Variants in SH3TC1 observed in about 807,000 individuals in gnomAD.
SH3TC1 encodes the protein SH3 domain and tetratricopeptide repeats 1.
SH3TC1 carries 135 observed loss-of-function variants against 117.3 expected under a neutral mutation model. That is an observed-to-expected ratio of 1.15 (90% CI 1.00 to 1.33). The LOEUF is 1.33. Among genes scored for constraint, SH3TC1 ranks in the 40% most tolerant of loss-of-function variants. The probability of loss-of-function intolerance (pLI) is 0.00; values close to 1 mark genes in which losing one functional copy is unlikely to be tolerated. For synonymous variants in SH3TC1, 898 were observed against 816.9 expected (o/e 1.10, Z -1.69); for missense variants, 2,092 against 1,794.3 (o/e 1.17, Z -3.00).
At position 8,205,500 on chromosome 4, in the gene SH3TC1, T is replaced by C; in HGVS notation, c.172+134T>C. The C allele has an allele frequency of 8.6e-7, 1 of 1,162,924 alleles. No homozygotes were observed. The highest frequency in any genetic ancestry group is 1.3e-6 in the Non-Finnish European group (1 of 790,462). The allele number at this position is 1,162,924 out of a possible 1,614,324, so 72.0% of individuals were successfully genotyped here. A position where few individuals can be genotyped will look rare whatever the true frequency, so the allele number is the denominator to read the frequency against. On this transcript the variant is annotated intron_variant, in intron 2 of 17. Transcript: ENST00000245105. The surrounding 1 kb of genome is among the most constrained non-coding windows in gnomAD (Gnocchi z 5.4). ...GGCTGGGGCTGGAGTCTGCTCTCCA[T>C]CACTTCTCGTTTCCTTCCCCCGCGT...
chr4:8,237,212 C>G, intron 16 of SH3TC1: 1 of 404,874 alleles, frequency 2.5e-6, no homozygotes, highest in South Asian at 9.1e-5. Flanking sequence ...TGGTTAAAAA[C>G]AGTGAGCAAA....
intron 5 of SH3TC1, chr4:8,215,327 C>T: frequency 2.3e-6 from 1 of 443,750 alleles, no homozygotes; most frequent in Non-Finnish European, 4.6e-6. Flanking sequence ...TGCGACACCA[C>T]CCTTGATTTG....
chr4:8,222,933 G>T lies in SH3TC1; in HGVS notation c.1206G>T (p.Arg402=), dbSNP rs1487827098. ...SEEDARQLLR[R]MSGTDVCSVY... ...AGGATGCCAGGCAGTTGCTGAGGCG[G>T]ATGTCGGGCACCGATGTCTGCAGCG... The change falls in exon 10 of 18, where the codon CGG becomes CGT. Residue 402 remains arginine, a synonymous_variant. Transcript: ENST00000245105. 1 of 1,612,840 alleles carries T rather than the reference G, an allele frequency of 6.2e-7. No individual in the cohort carries two copies. The highest frequency in any genetic ancestry group is 1.3e-5 in the African/African-American group (1 of 74,906).
chr4:8,234,438 AT>A (rs895048562), intron 14 of SH3TC1, among the ~76,000 whole-genome samples: 27 of 150,438 alleles, frequency 1.8e-4, no homozygotes, highest in African/African-American at 6.6e-4. Flanking sequence ...CCATCCATAC[AT>A]TATCCACCCA....
chr4:8,211,427 C>T (rs3115218), intron 3 of SH3TC1, among the ~76,000 whole-genome samples: 16 of 10,528 alleles, frequency 1.5e-3, no homozygotes, highest in East Asian at 7.3e-3. Context: ...GGTTTCTCCC[C>T]TCTCCCTCCC....
Position 8,228,505 on chromosome 4 carries a change from C to T in SH3TC1, c.2811C>T (p.Pro937=), listed in dbSNP as rs1482591532. ...LEAVRLFSRL[P]LGECGRDFTH... ...CCGTGCGGCTGTTCTCGAGGCTGCCCCTTGGGGAGTGTGGCCGGGACTTCA... is the reference window on the plus strand; with the variant it reads ...CCGTGCGGCTGTTCTCGAGGCTGCCTCTTGGGGAGTGTGGCCGGGACTTCA... The change falls in exon 12 of 18, where the codon CCC becomes CCT. Residue 937 remains proline, a synonymous_variant. Coordinates refer to ENST00000245105, the MANE Select transcript of SH3TC1 (RefSeq NM_018986.5). 1.9e-5 allele frequency: 31 copies of T among 1,611,528 alleles called. No homozygotes were observed. Among genetic ancestry groups the T allele is most frequent in the Non-Finnish European group, 2.5e-5 (30 of 1,179,608 alleles).
intron 5 of SH3TC1, 36 bp from the exon 6 acceptor site, chr4:8,216,075 C>T (rs377112693): frequency 1.6e-4 from 263 of 1,608,574 alleles, no homozygotes; most frequent in Non-Finnish European, 2.1e-4. Context: ...TGCCCCTCTT[C>T]TGGAGCCCTC....
At position 8,233,413 on chromosome 4, in the gene SH3TC1, T is replaced by A. The variant is rs752915513; in HGVS notation, c.3182T>A (p.Ile1061Asn). 5.6e-6 allele frequency: 9 copies of A among 1,613,784 alleles called. No homozygotes were observed. In the South Asian group the frequency reaches 7.7e-5, roughly 14 times the overall value. The change falls in exon 14 of 18, where the codon ATT (isoleucine) becomes AAT (asparagine). Residue 1061 changes from isoleucine (I) to asparagine (N), a missense_variant. Coordinates refer to ENST00000245105, the MANE Select transcript of SH3TC1 (RefSeq NM_018986.5). ...DYTKRSLGIF[I>N]DLQKKEKEAH... Reference sequence around the variant, plus strand: ...ACCAAACGAAGTCTGGGGATTTTCATTGACCTCCAGAAGAAAGAGAAGGAG... The same window carrying A: ...ACCAAACGAAGTCTGGGGATTTTCAATGACCTCCAGAAGAAAGAGAAGGAG...
chr4:8,185,017 T>TC (rs1465930806), intron 1 of SH3TC1, among the ~76,000 whole-genome samples: 23 of 151,686 alleles, frequency 1.5e-4, no homozygotes, highest in African/African-American at 4.1e-4. Context: ...CTAGGTTTGT[T>TC]CTTTTTTTTT....
At chr4:8,236,558 C>T (rs1169409946) in intron 16 of SH3TC1, 130 bp downstream of exon 16, 1 of 1,268,206 alleles carries the variant, frequency 7.9e-7, no homozygotes, top group Non-Finnish European at 1.0e-6. Context: ...CACATCTGCC[C>T]AGCTGGCTCC....
At chr4:8,232,962 G>T in intron 13 of SH3TC1, 1 of 1,193,592 alleles carries the variant, frequency 8.4e-7, no homozygotes, top group Non-Finnish European at 1.1e-6. Context: ...AGAAGCTCTG[G>T]GGGCAGGCCA....
Position 8,219,549 on chromosome 4 carries a change from G to T in SH3TC1, c.1112+19G>T, listed in dbSNP as rs1200814682. 1 of 1,491,650 alleles carries T rather than the reference G, an allele frequency of 6.7e-7. No individual in the cohort carries two copies. Among genetic ancestry groups the T allele is most frequent in the Non-Finnish European group, 9.0e-7 (1 of 1,113,936 alleles). The allele number at this position is 1,491,650 out of a possible 1,614,324, so 92.4% of individuals were successfully genotyped here. ...TGTCCGAGTGAGTGGCTGGAGCCCC[G>T]CCCCTTTCCTGAACCCACCCCCATC... is the stretch of plus-strand genomic sequence containing the variant. On this transcript the variant is annotated intron_variant, in intron 9 of 17. Transcript: ENST00000245105.
In SH3TC1 at chr4:8,228,408, G is replaced by A; in HGVS notation, c.2714G>A (p.Gly905Glu). 6 of 1,608,564 alleles carry A rather than the reference G, an allele frequency of 3.7e-6. No homozygotes were observed. Among genetic ancestry groups the A allele is most frequent in the Non-Finnish European group, 5.1e-6 (6 of 1,177,630 alleles). ...DLGQQRNQAVGLANFGALCLH... is the reference protein window; with the variant it reads ...DLGQQRNQAVELANFGALCLH... Reference sequence around the variant, plus strand: ...GGCCAGCAAAGGAACCAGGCAGTGGGGCTGGCCAACTTCGGGGCCCTGTGC... The same window carrying A: ...GGCCAGCAAAGGAACCAGGCAGTGGAGCTGGCCAACTTCGGGGCCCTGTGC... The change falls in exon 12 of 18, where the codon GGG (glycine) becomes GAG (glutamate). Residue 905 changes from glycine to glutamate, a missense_variant. Transcript: ENST00000245105.
intron 12 of SH3TC1, among the ~76,000 whole-genome samples, chr4:8,229,933 AAC>A (rs200106690): frequency 0.058 from 8,629 of 148,640 alleles, 367 homozygotes; most frequent in South Asian, 0.12. Context: ...CCCCGCGTTG[AAC>A]AGTCGAGGAG....
chr4:8,215,258 C>A, intron 5 of SH3TC1: 1 of 456,176 alleles, frequency 2.2e-6, no homozygotes, highest in East Asian at 6.9e-5. Context: ...CTCTTCCTGG[C>A]ACATTCCCTG....
rs541023594 is a variant in SH3TC1, at chr4:8,185,727, T to C, written c.-57+3517T>C. On this transcript the variant is annotated intron_variant, in intron 1 of 16. Coordinates refer to the SH3TC1 transcript ENST00000508641. ...AGTGTGGTTTATCGGACACCCAGGT[T>C]ACCTCCAAGGCATTGCTGTTAGAAA... is the stretch of plus-strand genomic sequence containing the variant. Among the ~76,000 whole-genome samples, 9 of 152,344 alleles carry C rather than the reference T, an allele frequency of 5.9e-5. No homozygotes were observed. The South Asian group carries it at 1.9e-3, about 32-fold the overall frequency.
Position 8,227,555 on chromosome 4 carries a change from G to C in SH3TC1, c.1861G>C (p.Ala621Pro), listed in dbSNP as rs749648334. The change falls in exon 12 of 18, where the codon GCA (alanine) becomes CCA (proline). Residue 621 changes from alanine (A) to proline (P), a missense_variant. Ala to Pro is a conservative substitution (Grantham distance 27, BLOSUM62 -1). Coordinates refer to ENST00000245105, the MANE Select transcript of SH3TC1 (RefSeq NM_018986.5). ...YRKQKNREKC[A>P]QVVPKAMALL... Reference sequence around the variant, plus strand: ...GAAGCAGAAGAACCGGGAGAAGTGTGCACAGGTGGTGCCCAAAGCCATGGC... The same window carrying C: ...GAAGCAGAAGAACCGGGAGAAGTGTCCACAGGTGGTGCCCAAAGCCATGGC... The C allele has an allele frequency of 5.2e-6, 8 of 1,526,492 alleles. No homozygotes were observed. Among genetic ancestry groups the C allele is most frequent in the African/African-American group, 2.8e-5 (2 of 71,976 alleles). The allele number at this position is 1,526,492 out of a possible 1,614,324, so 94.6% of individuals were successfully genotyped here.
chr4:8,232,699 A>G, intron 13 of SH3TC1: 4 of 1,289,684 alleles, frequency 3.1e-6, no homozygotes, highest in Non-Finnish European at 4.0e-6. Flanking sequence ...TGGCCACCCC[A>G]CCCACAGGGC....
In SH3TC1 at chr4:8,227,058, C is replaced by G; in HGVS notation, c.1364C>G (p.Thr455Ser). ...AAGAATGTTCTGGAACAATGCAAGA[C>G]CTGCCCAGGCTGCCCCCAGGAGCCA... ...KVKNVLEQCK[T>S]CPGCPQEPAS... The change falls in exon 12 of 18, where the codon ACC (threonine) becomes AGC (serine). Residue 455 changes from threonine to serine, a missense_variant. Thr to Ser is a moderately conservative substitution (Grantham distance 58). Transcript: ENST00000245105. The G allele has an allele frequency of 6.2e-7, 1 of 1,606,500 alleles. No homozygotes were observed. Among genetic ancestry groups the G allele is most frequent in the Non-Finnish European group, 8.5e-7 (1 of 1,176,706 alleles).
Sources: allele counts gnomAD v4.1 joint callset (sites outside exome capture counted in the v4.1 genomes callset), GRCh38; gene constraint gnomAD v4.1.1; non-coding constraint Gnocchi (gnomAD v3.1); transcripts MANE v1.5; gene names NCBI Gene and HGNC (gene_info 2026-07-23, HGNC 2026-07-21).